EYS: variants seen among roughly 807,000 people sequenced by gnomAD.
The protein encoded by EYS is protein eyes shut homolog.
A neutral mutation model predicts 282.1 loss-of-function variants in EYS; 250 were observed. The ratio of observed to expected loss-of-function variants is 0.89; its 90% CI spans 0.80 to 0.98. EYS has a LOEUF of 0.98. Among genes scored for constraint, EYS ranks in the 50% least tolerant of loss-of-function variants. EYS has a pLI of 0.00. For synonymous variants in EYS, 1,355 were observed against 1,282.9 expected (o/e 1.06, Z -1.20); for missense variants, 4,016 against 3,709.0 (o/e 1.08, Z -2.15).
At chr6:64,713,878 T>A (rs1053220976) in intron 22 of EYS, among the ~76,000 whole-genome samples, 1 of 152,184 alleles carries the variant, frequency 6.6e-6, no homozygotes, top group Admixed American at 6.5e-5. Flanking sequence ...CAAAGCTCCA[T>A]GAAACGAATA....
At chr6:63,922,695 G>A (rs77032368) in intron 35 of EYS, among the ~76,000 whole-genome samples, 2,631 of 152,264 alleles carry the variant, frequency 0.017, 31 homozygotes, top group Middle Eastern at 0.027. Flanking sequence ...CCTTTCATAA[G>A]ATGCGTCATT....
intron 37 of EYS, among the ~76,000 whole-genome samples, chr6:63,792,349 G>C (rs1770538220): frequency 6.6e-6 from 1 of 151,976 alleles, no homozygotes; most frequent in Non-Finnish European, 1.5e-5. Context: ...GGTAGTAAAT[G>C]ATGGAGTAGA....
Position 64,665,899 on chromosome 6 carries a change from A to G in EYS, c.3444-39654T>C, listed in dbSNP as rs565328404. Among the ~76,000 whole-genome samples the G allele has an allele frequency of 1.6e-4, 24 of 147,656 alleles. 1 individual carries two copies. The South Asian group carries it at 5.4e-3, about 33-fold the overall frequency. ...ATTTGCTGTTTTCCCTTCATCATCA[A>G]CATAATGTGTACTCTAGTGAGGGGG... On this transcript the variant is annotated intron_variant, in intron 22 of 42. Transcript: ENST00000503581.
At chr6:64,658,107 A>T (rs1033278486) in intron 22 of EYS, among the ~76,000 whole-genome samples, 13 of 152,014 alleles carry the variant, frequency 8.6e-5, no homozygotes, top group Non-Finnish European at 1.5e-4. Flanking sequence ...CATTCATTTG[A>T]TCTTCCATCA....
At chr6:65,588,124 T>C (rs1016590834) in intron 2 of EYS, among the ~76,000 whole-genome samples, 3 of 152,080 alleles carry the variant, frequency 2.0e-5, no homozygotes, top group Admixed American at 6.6e-5. Context: ...CAAAAGGGAA[T>C]TGAGAGTATG....
chr6:64,941,199 G>A (rs1053172447), intron 15 of EYS, among the ~76,000 whole-genome samples: 2 of 151,850 alleles, frequency 1.3e-5, no homozygotes, highest in African/African-American at 2.4e-5. Context: ...TGGCTAACAT[G>A]GTGAAACTCC....
intron 41 of EYS, among the ~76,000 whole-genome samples, chr6:63,757,995 A>G (rs1477556044): frequency 6.6e-6 from 1 of 152,080 alleles, no homozygotes; most frequent in African/African-American, 2.4e-5. Context: ...TGAATTGTGG[A>G]CCCAAGCATT....
chr6:64,469,410 C>A (rs923940349), intron 26 of EYS, among the ~76,000 whole-genome samples: 1 of 151,966 alleles, frequency 6.6e-6, no homozygotes, highest in Non-Finnish European at 1.5e-5. Flanking sequence ...TATAATTAAT[C>A]ATTAGTTAGT....
At chr6:64,501,072 A>G (rs534156991) in intron 26 of EYS, among the ~76,000 whole-genome samples, 46 of 142,312 alleles carry the variant, frequency 3.2e-4, no homozygotes, top group African/African-American at 1.2e-3. Context: ...CCTCTTCCCC[A>G]TCTTAAATTC....
At chr6:64,982,645 G>C (rs1368950569) in intron 14 of EYS, among the ~76,000 whole-genome samples, 2 of 150,970 alleles carry the variant, frequency 1.3e-5, no homozygotes, top group African/African-American at 2.4e-5. Context: ...AATCTATATA[G>C]ATATATATGA....
chr6:64,801,705 A>G (rs989016745), intron 22 of EYS, among the ~76,000 whole-genome samples: 2 of 152,162 alleles, frequency 1.3e-5, no homozygotes, highest in East Asian at 1.9e-4. Flanking sequence ...TATATCAAAG[A>G]AAGAAAAAAG....
At chr6:65,145,969 T>G (rs1353664547) in intron 12 of EYS, among the ~76,000 whole-genome samples, 1 of 151,834 alleles carries the variant, frequency 6.6e-6, no homozygotes, top group African/African-American at 2.4e-5. Context: ...TTAATTTATA[T>G]TTACTCTTTA....
intron 30 of EYS, among the ~76,000 whole-genome samples, chr6:64,269,879 T>C (rs1317284000): frequency 6.6e-6 from 1 of 152,072 alleles, no homozygotes; most frequent in African/African-American, 2.4e-5. Context: ...TTAGGACATA[T>C]TACAACAAAC....
chr6:63,817,793 C>T (rs1431665589), intron 36 of EYS, among the ~76,000 whole-genome samples: 2 of 152,194 alleles, frequency 1.3e-5, no homozygotes, highest in Non-Finnish European at 2.9e-5. Flanking sequence ...CCTTGCTTGC[C>T]GCCTGCCCTG....
At chr6:64,847,046 G>T (rs1400425578) in intron 19 of EYS, among the ~76,000 whole-genome samples, 1 of 152,038 alleles carries the variant, frequency 6.6e-6, no homozygotes, top group Non-Finnish European at 1.5e-5. Context: ...TATATTGAAA[G>T]CCTGAACAGA....
chr6:65,033,261 GA>G (rs1461627393), intron 13 of EYS, among the ~76,000 whole-genome samples: 6 of 152,182 alleles, frequency 3.9e-5, no homozygotes, highest in African/African-American at 1.4e-4. Context: ...TGGTCATATG[GA>G]AGAGAAAGAA....
rs67123749 is a variant in EYS, at chr6:65,382,213, G to GTTT, written c.1299+2170_1299+2172dup. On this transcript the variant is annotated intron_variant, in intron 8 of 42. Transcript: ENST00000503581. ...GTCATGAAGAACCTCATCCTTTGGT[G>GTTT]TTTTTTTTTTTTTTTTTTTGCTCCA... is the stretch of plus-strand genomic sequence containing the variant. Among the ~76,000 whole-genome samples, 38 of 104,970 alleles carry GTTT rather than the reference G, an allele frequency of 3.6e-4. 1 individual carries two copies. Among genetic ancestry groups the GTTT allele is most frequent in the African/African-American group, 5.9e-4 (16 of 26,932 alleles). 68.9% of individuals were successfully genotyped at this position (104,970 alleles called of 152,430 possible). A position where few individuals can be genotyped will look rare whatever the true frequency, so the allele number is the denominator to read the frequency against.
chr6:65,620,024 TTG>T (rs896352611), intron 2 of EYS, among the ~76,000 whole-genome samples: 1 of 152,142 alleles, frequency 6.6e-6, no homozygotes, highest in Admixed American at 6.6e-5. Flanking sequence ...TCTTTTTATG[TTG>T]TGTCTCTGCC....
intron 7 of EYS, among the ~76,000 whole-genome samples, chr6:65,397,066 C>T (rs1429313000): frequency 6.6e-6 from 1 of 151,914 alleles, no homozygotes; most frequent in African/African-American, 2.4e-5. Context: ...AATCCATTAA[C>T]TCCCTCAAAT....
Sources: gnomAD v4.1 joint callset for allele counts (sites outside exome capture counted in the v4.1 genomes callset) on GRCh38, gnomAD v4.1.1 for gene constraint, MANE v1.5 for transcripts, NCBI Gene and HGNC (gene_info 2026-07-23, HGNC 2026-07-21) for gene names.